CCDC3: variants seen among roughly 807,000 people sequenced by gnomAD.
CCDC3 encodes coiled-coil domain-containing protein 3.
A neutral mutation model predicts 21.4 loss-of-function variants in CCDC3; 24 were observed. The ratio of observed to expected loss-of-function variants is 1.12; its 90% CI spans 0.81 to 1.58. CCDC3 has a LOEUF of 1.58. Among genes scored for constraint, CCDC3 ranks in the 40% most tolerant of loss-of-function variants. The pLI is 0.00. For missense variants in CCDC3, 425 were observed against 360.9 expected (o/e 1.18, Z -1.44); for synonymous variants, 186 against 166.0 (o/e 1.12, Z -0.93).
At chr10:12,983,914 T>C (rs1448342030) in intron 2 of CCDC3, among the ~76,000 whole-genome samples, 2 of 152,100 alleles carry the variant, frequency 1.3e-5, no homozygotes, top group Non-Finnish European at 2.9e-5. Context: ...ACCCTGTCTC[T>C]ACTAAAAATA....
chr10:12,980,337 G>C (rs888625919), intron 2 of CCDC3, among the ~76,000 whole-genome samples: 1 of 152,222 alleles, frequency 6.6e-6, no homozygotes, highest in Non-Finnish European at 1.5e-5. Flanking sequence ...TCCAGTGAGA[G>C]CCAAAACAGC....
intron 2 of CCDC3, among the ~76,000 whole-genome samples, chr10:12,956,060 G>A (rs972605893): frequency 6.6e-6 from 1 of 151,454 alleles, no homozygotes. Context: ...GGCTGGTCTT[G>A]AACTCCTGGG....
At chr10:13,026,472 AT>A (rs930088177) in intron 5 of CCDC3, among the ~76,000 whole-genome samples, 4 of 151,294 alleles carry the variant, frequency 2.6e-5, no homozygotes, top group Non-Finnish European at 3.0e-5. Context: ...TCTTGGCTTC[AT>A]TTTTTTTTCT....
intron 5 of CCDC3, among the ~76,000 whole-genome samples, chr10:13,006,876 G>C (rs776030234): frequency 6.6e-6 from 1 of 152,142 alleles, no homozygotes; most frequent in African/African-American, 2.4e-5. Context: ...CAGAGTTTTT[G>C]CTGTTACATA....
intron 2 of CCDC3, among the ~76,000 whole-genome samples, chr10:12,916,406 G>T (rs948190505): frequency 7.1e-6 from 1 of 140,704 alleles, no homozygotes; most frequent in Non-Finnish European, 1.5e-5. Flanking sequence ...CAGCCTGAGG[G>T]ATAGAGACAG....
intron 2 of CCDC3, among the ~76,000 whole-genome samples, chr10:12,914,096 C>T (rs548718039): frequency 7.2e-5 from 11 of 152,200 alleles, no homozygotes; most frequent in African/African-American, 1.2e-4. Flanking sequence ...ATGCCATGTA[C>T]GGTGAGTTTG....
chr10:13,032,134 T>C (rs1836313263), intron 5 of CCDC3, among the ~76,000 whole-genome samples: 1 of 151,700 alleles, frequency 6.6e-6, no homozygotes, highest in Non-Finnish European at 1.5e-5. Context: ...ATCAAAAAGC[T>C]TATCCACCAC....
At chr10:13,090,755 C>G (rs1234236432) in intron 3 of CCDC3, among the ~76,000 whole-genome samples, 1 of 152,162 alleles carries the variant, frequency 6.6e-6, no homozygotes. Context: ...TCAGGGTTCT[C>G]TAGAGGGACA....
At chr10:12,965,431 A>G (rs1835246639) in intron 2 of CCDC3, among the ~76,000 whole-genome samples, 1 of 152,158 alleles carries the variant, frequency 6.6e-6, no homozygotes, top group African/African-American at 2.4e-5. Flanking sequence ...ATGTACTTAT[A>G]CTGTCATAGT....
At chr10:12,976,826 A>AAG (rs33955156) in intron 2 of CCDC3, among the ~76,000 whole-genome samples, 86,311 of 151,570 alleles carry the variant, frequency 0.57, 24,581 homozygotes, top group South Asian at 0.67. Context: ...GTACAATACC[A>AAG]AGAGTGAACC....
chr10:12,972,199 C>G lies in CCDC3; in HGVS notation c.549+26139G>C, dbSNP rs1835353940. ...ACACATGCCCTTAAACTCAACCCCA[C>G]TCTCCACCCTCACTGGTTCCTGTGA... On this transcript the variant is annotated intron_variant, in intron 2 of 2. Coordinates refer to ENST00000378825, the MANE Select transcript of CCDC3 (RefSeq NM_031455.4). Among the ~76,000 whole-genome samples the G allele has an allele frequency of 2.0e-5, 3 of 152,176 alleles. No individual in the cohort carries two copies. In the South Asian group the frequency reaches 6.2e-4, roughly 31 times the overall value.
Position 12,992,715 on chromosome 10 carries a change from C to T in CCDC3, c.549+5623G>A, listed in dbSNP as rs769626883. On this transcript the variant is annotated intron_variant, in intron 2 of 2. Transcript: ENST00000378825. ...CACTGGGTACAGTATACACTGCTCA[C>T]GAGATGGGTGCACCAAAATCTCAGA... Among the ~76,000 whole-genome samples the T allele has an allele frequency of 5.3e-5, 8 of 152,168 alleles. No homozygotes were observed. The East Asian group carries it at 9.7e-4, about 18-fold the overall frequency.
intron 2 of CCDC3, among the ~76,000 whole-genome samples, chr10:12,933,460 T>TA (rs1554754844): frequency 1.3e-5 from 2 of 149,132 alleles, no homozygotes; most frequent in East Asian, 1.9e-4. Context: ...TTCCCTTTAT[T>TA]TTTTTTTTTT....
upstream of CCDC3, among the ~76,000 whole-genome samples, chr10:13,004,020 G>C (rs183261067): frequency 1.3e-5 from 2 of 152,228 alleles, no homozygotes; most frequent in Admixed American, 1.3e-4. Flanking sequence ...TTCCTCTTTG[G>C]GGACTAAGAC....
At chr10:13,075,245 T>C (rs1399292830) in intron 3 of CCDC3, among the ~76,000 whole-genome samples, 2 of 152,270 alleles carry the variant, frequency 1.3e-5, no homozygotes, top group African/African-American at 4.8e-5. Flanking sequence ...TTGCTTTGTT[T>C]AACAAGCAAT....
At chr10:13,019,793 C>T (rs765542384) in intron 5 of CCDC3, among the ~76,000 whole-genome samples, 5 of 151,918 alleles carry the variant, frequency 3.3e-5, no homozygotes, top group African/African-American at 9.7e-5. Context: ...GTCAGGAGTT[C>T]GAGACCAGCC....
chr10:12,996,602 C>T (rs1352746595), intron 2 of CCDC3, among the ~76,000 whole-genome samples: 1 of 152,158 alleles, frequency 6.6e-6, no homozygotes, highest in Non-Finnish European at 1.5e-5. Flanking sequence ...TCCCAAAGTG[C>T]TGGGATTACA....
intron 2 of CCDC3, among the ~76,000 whole-genome samples, chr10:12,995,610 C>G (rs1005924273): frequency 6.6e-6 from 1 of 152,156 alleles, no homozygotes; most frequent in African/African-American, 2.4e-5. Flanking sequence ...AAAAACGGCA[C>G]AAGCAGAGGT....
chr10:13,064,244 A>G (rs955618458), intron 4 of CCDC3, among the ~76,000 whole-genome samples: 30 of 152,186 alleles, frequency 2.0e-4, no homozygotes, highest in African/African-American at 7.0e-4. Flanking sequence ...TTAAAAGTCA[A>G]TCACAACTGT....
Sources: gnomAD v4.1 joint callset for allele counts (sites outside exome capture counted in the v4.1 genomes callset) on GRCh38, gnomAD v4.1.1 for gene constraint, MANE v1.5 for transcripts, NCBI Gene and HGNC (gene_info 2026-07-23, HGNC 2026-07-21) for gene names.